The following SCGB2B2 variants were observed in gnomAD, a reference collection of about 807,000 sequenced individuals.
SCGB2B2 encodes secretoglobin-like protein.
In SCGB2B2, 11 loss-of-function variants were observed where a neutral mutation model predicts 7.6. The observed-to-expected ratio is 1.45, with a 90% CI of 0.91 to 2.40. The LOEUF is 2.40. Ranked by LOEUF, SCGB2B2 falls within the 30% of genes most tolerant of loss-of-function variation. The pLI is 0.00. For missense variants in SCGB2B2, 104 were observed against 115.4 expected, an observed-to-expected ratio of 0.90 and a Z score of 0.45; for synonymous variants, 50 against 48.6, an observed-to-expected ratio of 1.03 and a Z score of -0.12.
chr19:34,599,810 CCTT>C (rs1331845478), intron 1 of SCGB2B2, among the ~76,000 whole-genome samples: 1 of 152,076 alleles, frequency 6.6e-6, no homozygotes, highest in Non-Finnish European at 1.5e-5. Context: ...CCATTTCTCC[CCTT>C]CTTCACTTCC....
rs1383575489 is a variant in SCGB2B2, at chr19:34,606,518, T to TTTTC, written c.-2031-9925_-2031-9924insGAAA. On this transcript the variant is annotated intron_variant, in intron 1 of 3. Coordinates refer to ENST00000601241, the MANE Select transcript of SCGB2B2 (RefSeq NM_001025591.4). The stretch of plus-strand genomic sequence containing the variant: ...GAAACAGGTTTTTCTTTTCTTTTTC[T>TTTTC]TTTTTTTTTTGCTGGTGAGGACACT... Among the ~76,000 whole-genome samples the TTTTC allele has an allele frequency of 6.2e-4, 64 of 103,676 alleles. No homozygotes were observed. In the South Asian group the frequency reaches 9.4e-3, roughly 15 times the overall value. 68.0% of individuals were successfully genotyped at this position (103,676 alleles called of 152,430 possible). A position where few individuals can be genotyped will look rare whatever the true frequency, so the allele number is the denominator to read the frequency against.
At chr19:34,671,582 A>T (rs1015082722) in intron 1 of SCGB2B2, among the ~76,000 whole-genome samples, 1 of 152,228 alleles carries the variant, frequency 6.6e-6, no homozygotes, top group Non-Finnish European at 1.5e-5. Context: ...GAATTAGCAC[A>T]TTAACAATAT....
intron 1 of SCGB2B2, among the ~76,000 whole-genome samples, chr19:34,624,455 G>A (rs1568434383): frequency 6.6e-6 from 1 of 152,112 alleles, no homozygotes; most frequent in Non-Finnish European, 1.5e-5. Flanking sequence ...CACAGAAGCA[G>A]CAATTCTTAG....
chr19:34,640,175 C>T (rs1464870175), intron 1 of SCGB2B2, among the ~76,000 whole-genome samples: 3 of 152,200 alleles, frequency 2.0e-5, no homozygotes, highest in Non-Finnish European at 4.4e-5. Context: ...CAGTGGGGCT[C>T]ACTGCAGCCT....
chr19:34,619,669 C>CA (rs1489448878), intron 1 of SCGB2B2, among the ~76,000 whole-genome samples: 1 of 152,166 alleles, frequency 6.6e-6, no homozygotes, highest in Admixed American at 6.5e-5. Context: ...CACATAAAAT[C>CA]AGAAAAGACT....
intron 1 of SCGB2B2, among the ~76,000 whole-genome samples, chr19:34,622,857 A>T (rs1568433999): frequency 6.6e-6 from 1 of 151,922 alleles, no homozygotes; most frequent in Non-Finnish European, 1.5e-5. Context: ...AGAGATAGAA[A>T]GGTGTGTTTC....
chr19:34,586,192 C>T (rs570914592), downstream of SCGB2B2, among the ~76,000 whole-genome samples: 32 of 152,086 alleles, frequency 2.1e-4, no homozygotes, highest in Non-Finnish European at 4.0e-4. Flanking sequence ...CTTCATTAAT[C>T]TATTAAGTTG....
chr19:34,664,947 C>T (rs1458679161), intron 1 of SCGB2B2, among the ~76,000 whole-genome samples: 1 of 152,184 alleles, frequency 6.6e-6, no homozygotes, highest in Non-Finnish European at 1.5e-5. Flanking sequence ...TGCCCTGACC[C>T]ATCCACTGAC....
intron 1 of SCGB2B2, among the ~76,000 whole-genome samples, chr19:34,656,330 G>A (rs567509233): frequency 6.6e-6 from 1 of 151,530 alleles, no homozygotes; most frequent in South Asian, 2.1e-4. Context: ...TACAGAGGGT[G>A]CAGTGGCTCA....
At chr19:34,635,360 T>C (rs1355611170) in intron 1 of SCGB2B2, 2 of 290,848 alleles carry the variant, frequency 6.9e-6, no homozygotes, top group South Asian at 4.5e-5. Context: ...AAGCCCTTTC[T>C]CCAGTGTGAA....
At chr19:34,639,177 C>T (rs1290876085) in intron 1 of SCGB2B2, among the ~76,000 whole-genome samples, 1 of 152,126 alleles carries the variant, frequency 6.6e-6, no homozygotes, top group African/African-American at 2.4e-5. Context: ...TATTCTGTAG[C>T]AAAAAACTTG....
chr19:34,590,436 G>T (rs1243310076), downstream of SCGB2B2, among the ~76,000 whole-genome samples: 1 of 151,868 alleles, frequency 6.6e-6, no homozygotes, highest in Non-Finnish European at 1.5e-5. Context: ...ATCCATAGAT[G>T]CATCTATCCA....
In SCGB2B2 at chr19:34,592,320, G is replaced by A. The variant is rs2065316379; in HGVS notation, c.*1235C>T. 1.3e-5 allele frequency among the ~76,000 whole-genome samples: 2 copies of A among 152,168 alleles called. No individual in the cohort carries two copies. Among genetic ancestry groups the A allele is most frequent in the South Asian group, 2.1e-4 (1 of 4,822 alleles). On this transcript the variant is annotated 3_prime_UTR_variant, in exon 4 of 4. Transcript: ENST00000601241. Reference sequence around the variant, plus strand: ...CCCTGCTGAAGGTGGGTCTGCACTTGTAGGGAAATGAGCTCTCAAAGATCC... The same window carrying A: ...CCCTGCTGAAGGTGGGTCTGCACTTATAGGGAAATGAGCTCTCAAAGATCC...
rs2067608161 is a variant in SCGB2B2, at chr19:34,665,983, CCT to C, written c.-2032+9645_-2032+9646del. ...GGAGGGCGGCCCTCTGCTCCCAGGT[CCT>C]CTGTTCCCTGACCCTGATGCTCAGC... is the stretch of plus-strand genomic sequence containing the variant. On this transcript the variant is annotated intron_variant, in intron 1 of 3. Coordinates refer to ENST00000601241, the MANE Select transcript of SCGB2B2 (RefSeq NM_001025591.4). 5.3e-5 allele frequency among the ~76,000 whole-genome samples: 8 copies of C among 152,210 alleles called. No individual in the cohort carries two copies. The South Asian group carries it at 1.7e-3, about 31-fold the overall frequency.
chr19:34,620,915 A>G (rs940218014), intron 1 of SCGB2B2, among the ~76,000 whole-genome samples: 8 of 152,228 alleles, frequency 5.3e-5, no homozygotes, highest in Non-Finnish European at 8.8e-5. Flanking sequence ...TATGCAAAAA[A>G]AGAGAATGTT....
chr19:34,634,532 C>CTGAT (rs1465384499), intron 1 of SCGB2B2, among the ~76,000 whole-genome samples: 3 of 125,172 alleles, frequency 2.4e-5, no homozygotes, highest in African/African-American at 6.4e-5. Flanking sequence ...TAACTTTTGG[C>CTGAT]TGATTGATAG....
chr19:34,623,771 T>C (rs60652454), intron 1 of SCGB2B2, among the ~76,000 whole-genome samples: 9,924 of 152,250 alleles, frequency 0.065, 1,125 homozygotes, highest in African/African-American at 0.23. Context: ...TCCCAGAGAA[T>C]GGGACCAATT....
intron 1 of SCGB2B2, among the ~76,000 whole-genome samples, chr19:34,610,403 C>T (rs1600045028): frequency 1.3e-5 from 2 of 152,062 alleles, no homozygotes; most frequent in African/African-American, 2.4e-5. Flanking sequence ...TAGAGGATGA[C>T]ATTTCAACTT....
chr19:34,658,054 CAA>C (rs2067330749), intron 1 of SCGB2B2, among the ~76,000 whole-genome samples: 1 of 152,106 alleles, frequency 6.6e-6, no homozygotes. Context: ...CCAATGAGAA[CAA>C]AGAGACAACA....
Sources: allele counts gnomAD v4.1 joint callset (sites outside exome capture counted in the v4.1 genomes callset), GRCh38; gene constraint gnomAD v4.1.1; transcripts MANE v1.5; gene names NCBI Gene and HGNC (gene_info 2026-07-23, HGNC 2026-07-21).